Variants in CCDC112 observed in about 807,000 individuals in gnomAD.
CCDC112 encodes coiled-coil domain-containing protein 112.
A neutral mutation model predicts 66.3 loss-of-function variants in CCDC112; 40 were observed. The observed-to-expected ratio is 0.60, with a 90% CI of 0.47 to 0.79. CCDC112 has a LOEUF of 0.79. Among genes scored for constraint, CCDC112 ranks in the 30% least tolerant of loss-of-function variants. The pLI, the probability that CCDC112 is intolerant of heterozygous loss-of-function variation, is 0.00. For synonymous variants in CCDC112, 214 were observed against 197.2 expected, an observed-to-expected ratio of 1.09 and a Z score of -0.71; for missense variants, 659 against 603.8, an observed-to-expected ratio of 1.09 and a Z score of -0.96.
Position 115,271,317 on chromosome 5 carries a change from C to T in CCDC112, c.1228G>A (p.Glu410Lys), listed in dbSNP as rs1426117424. ...TCAAGCCTCAAAAATTCTTCCTGTT[C>T]TTTCTTCTGCTGGGTATAACTTTCT... ...LLESYTQQKKEQEEFLRLEKE... is the reference protein window; with the variant it reads ...LLESYTQQKKKQEEFLRLEKE... The change falls in exon 7 of 10, where the codon GAA becomes AAA. Residue 410 changes from glutamate to lysine, a missense_variant. By Grantham distance (56) the Glu-to-Lys change is moderately conservative. Transcript: ENST00000379611. The T allele has an allele frequency of 4.3e-6, 7 of 1,612,632 alleles. No individual in the cohort carries two copies. The South Asian group carries it at 6.6e-5, about 15-fold the overall frequency.
At chr5:115,292,160 G>A (rs936608769) in intron 1 of CCDC112, among the ~76,000 whole-genome samples, 2 of 151,984 alleles carry the variant, frequency 1.3e-5, no homozygotes, top group Non-Finnish European at 2.9e-5. Flanking sequence ...GTATCTCACA[G>A]ATCTCAGACT....
intron 2 of CCDC112, among the ~76,000 whole-genome samples, chr5:115,281,037 T>C (rs1749433775): frequency 6.6e-6 from 1 of 151,582 alleles, no homozygotes; most frequent in Non-Finnish European, 1.5e-5. Context: ...TTTTTTTTTT[T>C]TTTTGAGACA....
chr5:115,268,996 T>C lies in CCDC112; in HGVS notation c.1433A>G (p.Glu478Gly). 6.4e-7 allele frequency: 1 copy of C among 1,573,702 alleles called. No individual in the cohort carries two copies. The highest frequency in any genetic ancestry group is 1.2e-5 in the South Asian group (1 of 86,796). The part of the protein sequence containing the change: ...RRLAKLKEKV[E>G]NNVSRDPSRL... ...AGAGGGATCTCTACTAACATTGTTTTCAACCTGTAATCAGAAGTAAAATAG... is the reference window on the plus strand; with the variant it reads ...AGAGGGATCTCTACTAACATTGTTTCCAACCTGTAATCAGAAGTAAAATAG... Residue 478 changes from glutamate (E) to glycine (G), a missense_variant, in exon 9 of 10, where the codon GAA becomes GGA. Glu to Gly is a moderately conservative substitution (Grantham distance 98). Coordinates refer to ENST00000379611, the MANE Select transcript of CCDC112 (RefSeq NM_001040440.3).
At chr5:115,279,542 A>G in intron 3 of CCDC112, 105 bp downstream of exon 3, 5 of 1,161,060 alleles carry the variant, frequency 4.3e-6, no homozygotes, top group South Asian at 1.3e-5. Flanking sequence ...AACTGACTCT[A>G]TTGATAGAGA....
At chr5:115,292,783 A>G (rs781502988) in intron 1 of CCDC112, among the ~76,000 whole-genome samples, 3 of 152,208 alleles carry the variant, frequency 2.0e-5, no homozygotes, top group Non-Finnish European at 4.4e-5. Flanking sequence ...GCATTGAACC[A>G]CTATGTGTCC....
chr5:115,275,216 C>G lies in CCDC112; in HGVS notation c.918G>C (p.Glu306Asp). The G allele has an allele frequency of 1.3e-6, 2 of 1,595,998 alleles. No individual in the cohort carries two copies. Among genetic ancestry groups the G allele is most frequent in the Non-Finnish European group, 1.7e-6 (2 of 1,170,520 alleles). Reference protein sequence around the residue: ...KFLALEERKKESIQIWKTKKQ... With the variant: ...KFLALEERKKDSIQIWKTKKQ... ...GAATAATAGCTATTATAATTATTAC[C>G]TCTTTTTTTCTTTCTTCTAGAGCCA... The change falls in exon 6 of 10, where the codon GAG becomes GAC. Residue 306 changes from glutamate (E) to aspartate (D), a missense_variant and splice_region_variant. Transcript: ENST00000379611.
At chr5:115,294,549 G>C (rs1235198070) in intron 1 of CCDC112, among the ~76,000 whole-genome samples, 1 of 152,176 alleles carries the variant, frequency 6.6e-6, no homozygotes, top group Non-Finnish European at 1.5e-5. Context: ...TGTTGTTTTA[G>C]CCACCAAGTC....
chr5:115,279,119 T>C (rs960921330), intron 3 of CCDC112, among the ~76,000 whole-genome samples: 1 of 152,160 alleles, frequency 6.6e-6, no homozygotes, highest in Non-Finnish European at 1.5e-5. Context: ...ATATATTATC[T>C]CATCAGATGC....
At chr5:115,285,184 T>G (rs887250590) in intron 1 of CCDC112, among the ~76,000 whole-genome samples, 1 of 152,178 alleles carries the variant, frequency 6.6e-6, no homozygotes, top group East Asian at 1.9e-4. Context: ...TTAACAAATA[T>G]GTATTGAACA....
intron 2 of CCDC112, among the ~76,000 whole-genome samples, chr5:115,282,975 G>C (rs928928681): frequency 5.3e-5 from 8 of 152,034 alleles, no homozygotes; most frequent in Non-Finnish European, 1.2e-4. Flanking sequence ...AGCCTTCTCA[G>C]AACTGTAAAA....
Position 115,275,260 on chromosome 5 carries a change from T to G in CCDC112, c.874A>C (p.Lys292Gln). 6.2e-7 allele frequency: 1 copy of G among 1,612,176 alleles called. No individual in the cohort carries two copies. Among genetic ancestry groups the G allele is most frequent in the South Asian group, 1.1e-5 (1 of 90,682 alleles). ...AGAGCCAGAAACTTTTGATACCATT[T>G]TTCATGCTGTTGAACTTCATCTTGT... ...KTQDEVQQHE[K>Q]WYQKFLALEE... The change falls in exon 6 of 10, where the codon AAA (lysine) becomes CAA (glutamine). Residue 292 changes from lysine to glutamine, a missense_variant. Coordinates refer to ENST00000379611, the MANE Select transcript of CCDC112 (RefSeq NM_001040440.3).
intron 6 of CCDC112, among the ~76,000 whole-genome samples, chr5:115,274,427 A>G (rs1309603067): frequency 6.6e-6 from 1 of 152,160 alleles, no homozygotes; most frequent in Non-Finnish European, 1.5e-5. Context: ...TTTCTGGGGT[A>G]GCTAACATTT....
Position 115,276,066 on chromosome 5 carries a change from A to G in CCDC112, c.455T>C (p.Val152Ala), listed in dbSNP as rs953955438. 5.0e-6 allele frequency: 8 copies of G among 1,598,128 alleles called. No individual in the cohort carries two copies. The highest frequency in any genetic ancestry group is 6.8e-6 in the Non-Finnish European group (8 of 1,172,802). ...TTCCATCATTTCTCTGAGCTTCTCA[A>G]CAACTGTAAAAGAAACACGGAAAAT... The part of the protein sequence containing the change: ...LKDVKPTPDF[V>A]EKLREMMEEI... Residue 152 changes from valine to alanine, a missense_variant, in exon 5 of 10, where the codon GTT becomes GCT. Coordinates refer to ENST00000379611, the MANE Select transcript of CCDC112 (RefSeq NM_001040440.3).
Position 115,271,210 on chromosome 5 carries a change from C to T in CCDC112, c.1332+3G>A. 1 of 1,572,940 alleles carries T rather than the reference C, an allele frequency of 6.4e-7. No homozygotes were observed. The highest frequency in any genetic ancestry group is 2.2e-5 in the East Asian group (1 of 44,610). Reference sequence around the variant, plus strand: ...AAATTATTTAGGAAATAGATTTACTCACTCTTTCTTGAAATCTGGAAATTT... The same window carrying T: ...AAATTATTTAGGAAATAGATTTACTTACTCTTTCTTGAAATCTGGAAATTT... On this transcript the variant is annotated splice_donor_region_variant and intron_variant, in intron 7 of 9. Transcript: ENST00000379611.
chr5:115,279,774 G>C lies in CCDC112; in HGVS notation c.240-6C>G, dbSNP rs548537744. 1.4e-6 allele frequency: 2 copies of C among 1,412,804 alleles called. No homozygotes were observed. Among genetic ancestry groups the C allele is most frequent in the South Asian group, 1.2e-5 (1 of 84,990 alleles). 87.5% of individuals were successfully genotyped at this position (1,412,804 alleles called of 1,614,324 possible). On this transcript the variant is annotated splice_polypyrimidine_tract_variant and splice_region_variant and intron_variant, in intron 2 of 9. Coordinates refer to ENST00000379611, the MANE Select transcript of CCDC112 (RefSeq NM_001040440.3). ...CTTTTTCCATGTTAATTACTCTTTA[G>C]GAAAAGAAACAAATAGTATAAATAT...
chr5:115,281,761 A>T (rs1409806342), intron 2 of CCDC112, among the ~76,000 whole-genome samples: 1 of 152,210 alleles, frequency 6.6e-6, no homozygotes, highest in Non-Finnish European at 1.5e-5. Flanking sequence ...GTCGACAAAA[A>T]TGAAAACAAC....
chr5:115,279,910 C>G (rs1032404536), intron 2 of CCDC112, 142 bp from the exon 3 acceptor site: 7 of 556,506 alleles, frequency 1.3e-5, no homozygotes, highest in Non-Finnish European at 2.1e-5. Flanking sequence ...GTTAATAAGG[C>G]TAAGGAATCA....
rs1009006813 is a variant in CCDC112 at position 115,284,884 on chromosome 5, C to T, written c.142G>A (p.Gly48Ser). ...QQSDGCFSTS[G>S]GIRPFHLQNW... ...TGAAGATGAAAAGGACGAATTCCAC[C>T]TGAAGTACTAAAACAGCCATCACTC... The change falls in exon 2 of 10, where the codon GGT (glycine) becomes AGT (serine). Residue 48 changes from glycine (G) to serine (S), a missense_variant. By Grantham distance (56) the Gly-to-Ser change is moderately conservative. Transcript: ENST00000379611. 4 of 1,612,086 alleles carry T rather than the reference C, an allele frequency of 2.5e-6. No individual in the cohort carries two copies. The highest frequency in any genetic ancestry group is 3.4e-6 in the Non-Finnish European group (4 of 1,178,714).
chr5:115,268,904 GC>G lies in CCDC112; in HGVS notation c.1524del (p.Pro509HisfsTer30), dbSNP rs762991863. 2 of 1,601,892 alleles carry G rather than the reference GC, an allele frequency of 1.2e-6. No homozygotes were observed. The highest frequency in any genetic ancestry group is 8.5e-7 in the Non-Finnish European group (1 of 1,174,028). On this transcript the variant is annotated frameshift_variant, in exon 9 of 10. Coordinates refer to ENST00000379611, the MANE Select transcript of CCDC112 (RefSeq NM_001040440.3). LOFTEE classifies it high-confidence loss of function. ...TACCTATGTGGGATATGTAGAAGTG[GC>G]CCAGAGCCTGTTGGTCCTATCTTTT... ...RTKKIGPTGS[G>X]PLLHIPHRAI... is the part of the protein sequence containing the mutation.
Sources: allele counts gnomAD v4.1 joint callset (sites outside exome capture counted in the v4.1 genomes callset), GRCh38; gene constraint gnomAD v4.1.1; transcripts MANE v1.5; gene names NCBI Gene and HGNC (gene_info 2026-07-23, HGNC 2026-07-21).